Variants in TRPC4 observed in about 807,000 individuals in gnomAD.
TRPC4 encodes the protein transient receptor potential cation channel subfamily C member 4.
TRPC4 carries 49 observed loss-of-function variants against 99.4 expected under a neutral mutation model. That is an observed-to-expected ratio of 0.49 (90% confidence interval 0.39 to 0.63). TRPC4 has a LOEUF of 0.63. TRPC4 is among the 20% of genes least tolerant of loss of function. TRPC4 has a pLI of 0.00. For missense variants in TRPC4, 898 were observed against 1,152.9 expected (o/e 0.78, Z 3.20); for synonymous variants, 454 against 425.9 (o/e 1.07, Z -0.81).
intron 1 of TRPC4, among the ~76,000 whole-genome samples, chr13:37,820,974 T>C (rs2139529790): frequency 6.6e-6 from 1 of 152,048 alleles, no homozygotes; most frequent in East Asian, 1.9e-4. Context: ...TGAATCCAAA[T>C]AGGAAAAGAT....
intron 2 of TRPC4, among the ~76,000 whole-genome samples, chr13:37,766,923 A>C (rs1183486034): frequency 1.3e-5 from 2 of 151,466 alleles, no homozygotes; most frequent in African/African-American, 4.8e-5. Flanking sequence ...TGATATTAAA[A>C]ATAAAGATAC....
At chr13:37,733,189 C>T (rs145257538) in intron 3 of TRPC4, among the ~76,000 whole-genome samples, 228 of 152,234 alleles carry the variant, frequency 1.5e-3, no homozygotes, top group African/African-American at 5.1e-3. Flanking sequence ...GGGAAGATCA[C>T]TTGAGCCCAG....
intron 3 of TRPC4, among the ~76,000 whole-genome samples, chr13:37,737,143 C>T (rs190653667): frequency 2.6e-5 from 4 of 151,974 alleles, no homozygotes; most frequent in African/African-American, 9.6e-5. Flanking sequence ...ACACTTTCTG[C>T]TGCATAGTAT....
At chr13:37,858,415 C>A (rs747869151) in intron 1 of TRPC4, among the ~76,000 whole-genome samples, 2 of 151,492 alleles carry the variant, frequency 1.3e-5, no homozygotes, top group Non-Finnish European at 3.0e-5. Context: ...CCAGCAATCC[C>A]ACTGCAGGGT....
At chr13:37,791,294 G>A (rs1039851271) in intron 1 of TRPC4, among the ~76,000 whole-genome samples, 7 of 151,800 alleles carry the variant, frequency 4.6e-5, no homozygotes, top group Admixed American at 2.0e-4. Context: ...TACTTGGGAG[G>A]CTGAGGCAGG....
intron 1 of TRPC4, among the ~76,000 whole-genome samples, chr13:37,818,475 C>A (rs1483241904): frequency 6.6e-6 from 1 of 152,086 alleles, no homozygotes; most frequent in Non-Finnish European, 1.5e-5. Flanking sequence ...GATTATAAAT[C>A]ATACTACTAT....
At chr13:37,852,465 C>T (rs577910047) in intron 1 of TRPC4, among the ~76,000 whole-genome samples, 5 of 152,198 alleles carry the variant, frequency 3.3e-5, no homozygotes, top group Admixed American at 6.5e-5. Context: ...TAACCTGCAA[C>T]GATCCCCAGA....
chr13:37,656,221 T>A (rs765646823), intron 6 of TRPC4, among the ~76,000 whole-genome samples: 1 of 152,188 alleles, frequency 6.6e-6, no homozygotes, highest in Non-Finnish European at 1.5e-5. Context: ...AAAGGGACCA[T>A]AATAATACAT....
chr13:37,776,913 T>C (rs1380625540), intron 2 of TRPC4, among the ~76,000 whole-genome samples: 2 of 151,972 alleles, frequency 1.3e-5, no homozygotes, highest in Non-Finnish European at 2.9e-5. Flanking sequence ...CCATATCGAC[T>C]AAGAATCTTC....
chr13:37,678,453 A>G (rs7338082), intron 4 of TRPC4, among the ~76,000 whole-genome samples: 24,221 of 152,014 alleles, frequency 0.16, 2,045 homozygotes, highest in Middle Eastern at 0.24. Context: ...TATAGATATT[A>G]TAAGAATAAT....
At chr13:37,708,330 A>C (rs1209394515) in intron 3 of TRPC4, among the ~76,000 whole-genome samples, 1 of 152,108 alleles carries the variant, frequency 6.6e-6, no homozygotes, top group Non-Finnish European at 1.5e-5. Flanking sequence ...TAGACATATT[A>C]TTGCCAAATG....
Position 37,692,090 on chromosome 13 carries a change from C to T in TRPC4, c.1143G>A (p.Leu381=), listed in dbSNP as rs1308213818. Residue 381 remains leucine (L), a synonymous_variant, in exon 4 of 11, where the codon CTG becomes CTA. Coordinates refer to ENST00000379705, the MANE Select transcript of TRPC4 (RefSeq NM_016179.4). ...ACCTGTCGATGTGCTGAGAGGCAAG[C>T]AGCAGCAGGAACAAAAAAGTCAAAT... ...ASYLTFLFLL[L]LASQHIDRSD... The T allele has an allele frequency of 6.2e-7, 1 of 1,613,946 alleles. No individual in the cohort carries two copies. Among genetic ancestry groups the T allele is most frequent in the Non-Finnish European group, 8.5e-7 (1 of 1,179,986 alleles).
intron 3 of TRPC4, among the ~76,000 whole-genome samples, chr13:37,736,397 T>A (rs2139109214): frequency 6.6e-6 from 1 of 152,210 alleles, no homozygotes; most frequent in African/African-American, 2.4e-5. Context: ...GCCTTATATC[T>A]TTTTTCTACA....
intron 2 of TRPC4, among the ~76,000 whole-genome samples, chr13:37,762,376 C>T (rs998449230): frequency 6.6e-6 from 1 of 151,650 alleles, no homozygotes; most frequent in Admixed American, 6.6e-5. Flanking sequence ...GTTATATACC[C>T]AAAGGACTAT....
At position 37,633,207 on chromosome 13, in the gene TRPC4, C is replaced by T. The variant is rs909356150; in HGVS notation, c.*3696G>A. Among the ~76,000 whole-genome samples, 1 of 152,038 alleles carries T rather than the reference C, an allele frequency of 6.6e-6. No individual in the cohort carries two copies. Among genetic ancestry groups the T allele is most frequent in the African/African-American group, 2.4e-5 (1 of 41,396 alleles). On this transcript the variant is annotated 3_prime_UTR_variant, in exon 11 of 11. Coordinates refer to ENST00000379705, the MANE Select transcript of TRPC4 (RefSeq NM_016179.4). ...AATGGTTTTGAAGTTAAGAGGAATGCCAGTAATATTAAATTTCTAAATTCT... is the reference window on the plus strand; with the variant it reads ...AATGGTTTTGAAGTTAAGAGGAATGTCAGTAATATTAAATTTCTAAATTCT...
intron 1 of TRPC4, among the ~76,000 whole-genome samples, chr13:37,815,469 T>C (rs1272357720): frequency 6.6e-6 from 1 of 151,660 alleles, no homozygotes; most frequent in East Asian, 1.9e-4. Flanking sequence ...GGATTGATAG[T>C]TCAATTTCAG....
chr13:37,843,431 A>C (rs1213621561), intron 1 of TRPC4, among the ~76,000 whole-genome samples: 1 of 152,234 alleles, frequency 6.6e-6, no homozygotes, highest in Non-Finnish European at 1.5e-5. Flanking sequence ...TTAGCAACTT[A>C]GCATGACAAT....
chr13:37,818,978 A>G (rs1460167992), intron 1 of TRPC4, among the ~76,000 whole-genome samples: 1 of 151,940 alleles, frequency 6.6e-6, no homozygotes, highest in African/African-American at 2.4e-5. Flanking sequence ...GCCAACAAGC[A>G]TATGAAAAAA....
intron 1 of TRPC4, among the ~76,000 whole-genome samples, chr13:37,845,505 A>G (rs1249185419): frequency 6.6e-6 from 1 of 152,100 alleles, no homozygotes; most frequent in Non-Finnish European, 1.5e-5. Flanking sequence ...AAAGAATACA[A>G]AAAGTGAACT....
Sources: gnomAD v4.1 joint callset for allele counts (sites outside exome capture counted in the v4.1 genomes callset) on GRCh38, gnomAD v4.1.1 for gene constraint, MANE v1.5 for transcripts, NCBI Gene and HGNC (gene_info 2026-07-23, HGNC 2026-07-21) for gene names.